The following SPATA17 variants were observed in gnomAD, a reference collection of about 807,000 sequenced individuals.
SPATA17 encodes the protein spermatogenesis-associated protein 17.
SPATA17 carries 53 observed loss-of-function variants against 62.2 expected under a neutral mutation model. The ratio of observed to expected loss-of-function variants is 0.85; its 90% CI spans 0.68 to 1.07. The LOEUF is 1.07. Among genes scored for constraint, SPATA17 ranks in the 50% least tolerant of loss-of-function variants. The probability of loss-of-function intolerance (pLI) is 0.00; values close to 1 mark genes in which losing one functional copy is unlikely to be tolerated. For missense variants in SPATA17, 466 were observed against 425.5 expected, an observed-to-expected ratio of 1.10 and a Z score of -0.84; for synonymous variants, 146 against 146.8, an observed-to-expected ratio of 0.99 and a Z score of 0.04.
chr1:217,813,217 G>A (rs1162552639), intron 9 of SPATA17, among the ~76,000 whole-genome samples: 3 of 152,072 alleles, frequency 2.0e-5, no homozygotes, highest in Non-Finnish European at 4.4e-5. Flanking sequence ...AACTTGGGTG[G>A]GACTGTGACT....
intron 5 of SPATA17, among the ~76,000 whole-genome samples, chr1:217,717,210 T>C (rs1672024429): frequency 7.1e-6 from 1 of 140,160 alleles, no homozygotes; most frequent in Non-Finnish European, 1.6e-5. Context: ...TTTTTAGTGT[T>C]ACCATGTGAC....
At chr1:217,638,527 C>A (rs942188601) in intron 1 of SPATA17, among the ~76,000 whole-genome samples, 1 of 152,236 alleles carries the variant, frequency 6.6e-6, no homozygotes, top group South Asian at 2.1e-4. Flanking sequence ...TTGAAAGTAC[C>A]TTTTACTGTC....
intron 5 of SPATA17, among the ~76,000 whole-genome samples, chr1:217,696,027 C>T (rs1370080112): frequency 1.3e-5 from 2 of 151,488 alleles, no homozygotes; most frequent in East Asian, 2.0e-4. Context: ...CCACCCAGTT[C>T]GAGCTTCCTG....
chr1:217,695,936 C>G (rs554203960), intron 5 of SPATA17, among the ~76,000 whole-genome samples: 1 of 143,928 alleles, frequency 6.9e-6, no homozygotes, highest in Non-Finnish European at 1.5e-5. Context: ...GAGGTTACTG[C>G]TGTCTTTTTG....
At chr1:217,858,447 A>C (rs1476119880) in intron 9 of SPATA17, among the ~76,000 whole-genome samples, 1 of 152,228 alleles carries the variant, frequency 6.6e-6, no homozygotes, top group African/African-American at 2.4e-5. Context: ...CCCATGTTAC[A>C]GATTACAAAA....
At chr1:217,665,780 CATATGG>C (rs1320930573) in intron 3 of SPATA17, among the ~76,000 whole-genome samples, 1 of 152,102 alleles carries the variant, frequency 6.6e-6, no homozygotes, top group African/African-American at 2.4e-5. Flanking sequence ...CTAAAAGATC[CATATGG>C]ATATCAACCA....
At chr1:217,782,082 C>A in intron 7 of SPATA17, 92 bp from the exon 8 acceptor site, 1 of 1,257,438 alleles carries the variant, frequency 8.0e-7, no homozygotes, top group Non-Finnish European at 1.1e-6. Context: ...AGTAAACCTG[C>A]TATACTTTGT....
intron 1 of SPATA17, among the ~76,000 whole-genome samples, chr1:217,637,332 A>C (rs976358933): frequency 1.3e-5 from 2 of 152,196 alleles, no homozygotes; most frequent in African/African-American, 4.8e-5. Context: ...GATCCGTTTC[A>C]GTCCACATTT....
Position 217,775,579 on chromosome 1 carries a change from G to A in SPATA17, c.723+1042G>A, listed in dbSNP as rs189080995. On this transcript the variant is annotated intron_variant, in intron 7 of 10. Coordinates refer to ENST00000366933, the MANE Select transcript of SPATA17 (RefSeq NM_138796.4). ...TTAGCTGGACATGGTGGTGCACCCT[G>A]TGGTCCCAGCTACTCGGGAGGCTGA... 4.0e-3 allele frequency among the ~76,000 whole-genome samples: 608 copies of A among 152,168 alleles called. 3 individuals carry two copies. Among genetic ancestry groups the A allele is most frequent in the Non-Finnish European group, 4.4e-3 (299 of 68,012 alleles).
intron 8 of SPATA17, among the ~76,000 whole-genome samples, chr1:217,790,807 T>G (rs1221484661): frequency 6.6e-6 from 1 of 152,196 alleles, no homozygotes; most frequent in African/African-American, 2.4e-5. Flanking sequence ...AAAAATGTTG[T>G]GGGAAAGGTT....
At chr1:217,703,920 ATT>A in intron 5 of SPATA17, among the ~76,000 whole-genome samples, 1 of 151,920 alleles carries the variant, frequency 6.6e-6, no homozygotes, top group South Asian at 2.1e-4. Context: ...TGTTAAACTC[ATT>A]TACTGAGTTT....
chr1:217,849,307 A>G (rs768800714), intron 9 of SPATA17, among the ~76,000 whole-genome samples: 1 of 152,120 alleles, frequency 6.6e-6, no homozygotes, highest in Non-Finnish European at 1.5e-5. Context: ...TGGATGGGCC[A>G]CTACCTATGG....
chr1:217,651,064 A>AG (rs781396460), intron 2 of SPATA17, 33 bp from the exon 3 acceptor site: 1 of 1,483,452 alleles, frequency 6.7e-7, no homozygotes, highest in Non-Finnish European at 9.3e-7. Context: ...TTTCAATGAA[A>AG]GGATACTAAT....
intron 1 of SPATA17, among the ~76,000 whole-genome samples, chr1:217,645,199 A>G (rs1359868502): frequency 1.3e-5 from 2 of 152,126 alleles, no homozygotes; most frequent in Non-Finnish European, 2.9e-5. Context: ...ATTCTTATTA[A>G]TATAACATAT....
At chr1:217,667,677 C>G (rs529778092) in intron 3 of SPATA17, among the ~76,000 whole-genome samples, 3 of 152,284 alleles carry the variant, frequency 2.0e-5, no homozygotes, top group South Asian at 4.1e-4. Context: ...CAAGAAACAT[C>G]TTTTTCTGAA....
At chr1:217,844,063 G>C (rs929968113) in intron 9 of SPATA17, among the ~76,000 whole-genome samples, 1 of 152,132 alleles carries the variant, frequency 6.6e-6, no homozygotes, top group African/African-American at 2.4e-5. Context: ...ATTCAAGCTA[G>C]TACATTAGTC....
chr1:217,652,378 C>G (rs112326657), intron 3 of SPATA17, among the ~76,000 whole-genome samples: 7,803 of 152,112 alleles, frequency 0.051, 658 homozygotes, highest in African/African-American at 0.18. Flanking sequence ...ATTACAGGCT[C>G]CAGCCACCAC....
intron 9 of SPATA17, among the ~76,000 whole-genome samples, chr1:217,814,304 T>G (rs879693479): frequency 3.9e-5 from 6 of 152,122 alleles, no homozygotes; most frequent in Non-Finnish European, 8.8e-5. Flanking sequence ...AACTGAGAGA[T>G]CTCTCCATTA....
chr1:217,657,888 G>A (rs1344293581), intron 3 of SPATA17, among the ~76,000 whole-genome samples: 1 of 152,148 alleles, frequency 6.6e-6, no homozygotes, highest in Non-Finnish European at 1.5e-5. Context: ...CACATGGTTG[G>A]AGAGGCCTCA....
Sources: gnomAD v4.1 joint callset for allele counts (sites outside exome capture counted in the v4.1 genomes callset) on GRCh38, gnomAD v4.1.1 for gene constraint, MANE v1.5 for transcripts, NCBI Gene and HGNC (gene_info 2026-07-23, HGNC 2026-07-21) for gene names.